SPTBN1: variants seen among roughly 807,000 people sequenced by gnomAD.
SPTBN1 encodes the protein spectrin beta chain, non-erythrocytic 1.
A neutral mutation model predicts 266.4 loss-of-function variants in SPTBN1; 32 were observed. That is an observed-to-expected ratio of 0.12 (90% CI 0.09 to 0.16). The LOEUF is 0.16. Ranked by LOEUF, SPTBN1 falls within the 10% of genes least tolerant of loss-of-function variation. SPTBN1 has a pLI of 1.00. For synonymous variants in SPTBN1, 1,336 were observed against 1,162.2 expected, an observed-to-expected ratio of 1.15 and a Z score of -3.04; for missense variants, 2,296 against 3,067.1, an observed-to-expected ratio of 0.75 and a Z score of 5.94.
At chr2:54,654,881 C>G (rs994362185) in intron 27 of SPTBN1, among the ~76,000 whole-genome samples, 189 bp from the exon 28 acceptor site, 2 of 152,224 alleles carry the variant, frequency 1.3e-5, no homozygotes, top group African/African-American at 4.8e-5. Context: ...CTGGCTGGTA[C>G]TGAACTGTGC....
chr2:54,537,354 TGACCCGGAA>T (rs1345177329), intron 2 of SPTBN1, among the ~76,000 whole-genome samples: 5 of 152,198 alleles, frequency 3.3e-5, no homozygotes, highest in Admixed American at 1.3e-4. Flanking sequence ...GGGTTTTGAT[TGACCCGGAA>T]GATCCTTTTA....
chr2:54,581,739 A>G (rs2104575462), intron 2 of SPTBN1, among the ~76,000 whole-genome samples: 1 of 152,144 alleles, frequency 6.6e-6, no homozygotes, highest in Admixed American at 6.5e-5. Context: ...TCACTGACTA[A>G]TTAGCCAGCT....
chr2:54,603,616 T>G (rs1164269944), intron 3 of SPTBN1, among the ~76,000 whole-genome samples: 2 of 152,202 alleles, frequency 1.3e-5, no homozygotes, highest in Non-Finnish European at 2.9e-5. Context: ...CAGTGTGGTA[T>G]TCCCCGATTA....
At position 54,655,175 on chromosome 2, in the gene SPTBN1, C is replaced by G; in HGVS notation, c.5928C>G (p.Ser1976=). The change falls in exon 28 of 36, where the codon TCC becomes TCG. Residue 1976 remains serine (S), a synonymous_variant. Coordinates refer to ENST00000356805, the MANE Select transcript of SPTBN1 (RefSeq NM_003128.3). The stretch of plus-strand genomic sequence containing the variant: ...CAACCTGCATTGAACTTGGGAAATC[C>G]CTGTTGGCGAGAAAACACTATGCAT... ...SFTTCIELGK[S]LLARKHYASE... 6.2e-7 allele frequency: 1 copy of G among 1,613,980 alleles called. No individual in the cohort carries two copies. Among genetic ancestry groups the G allele is most frequent in the Middle Eastern group, 1.6e-4 (1 of 6,062 alleles).
intron 24 of SPTBN1, 121 bp from the exon 25 acceptor site, chr2:54,648,865 G>C: frequency 1.0e-6 from 1 of 998,886 alleles, no homozygotes; most frequent in Non-Finnish European, 1.4e-6. Flanking sequence ...GTTAACCAGA[G>C]TTTCCTTTGA....
Position 54,668,617 on chromosome 2 carries a change from T to C in SPTBN1, c.*48T>C, listed in dbSNP as rs950278936. 6.5e-7 allele frequency: 1 copy of C among 1,534,296 alleles called. No homozygotes were observed. The highest frequency in any genetic ancestry group is 1.4e-5 in the African/African-American group (1 of 72,504). On this transcript the variant is annotated 3_prime_UTR_variant, in exon 36 of 36. Coordinates refer to ENST00000356805, the MANE Select transcript of SPTBN1 (RefSeq NM_003128.3). ...CCTTCTCTTACCTTTTCAGTGAAATTCCAGCATGCAAGCTCAGAACCAACA... is the reference window on the plus strand; with the variant it reads ...CCTTCTCTTACCTTTTCAGTGAAATCCCAGCATGCAAGCTCAGAACCAACA...
intron 4 of SPTBN1, among the ~76,000 whole-genome samples, chr2:54,612,978 T>C (rs1247951266): frequency 6.6e-6 from 1 of 152,216 alleles, no homozygotes. Context: ...TTTTGTCCAC[T>C]TCTTTCACTT....
intron 2 of SPTBN1, among the ~76,000 whole-genome samples, chr2:54,553,098 GTC>G (rs1672674347): frequency 6.6e-6 from 1 of 152,234 alleles, no homozygotes; most frequent in African/African-American, 2.4e-5. Flanking sequence ...AATTTCTTCT[GTC>G]TTTTCTTTTT....
chr2:54,566,322 G>T (rs961830419), intron 2 of SPTBN1, among the ~76,000 whole-genome samples: 3 of 151,454 alleles, frequency 2.0e-5, no homozygotes, highest in Non-Finnish European at 4.4e-5. Context: ...CGAGTAGCTG[G>T]GATTATAGGC....
rs565073636 is a variant in SPTBN1 at position 54,479,337 on chromosome 2, A to T, written c.-48+22819A>T. 5.9e-5 allele frequency among the ~76,000 whole-genome samples: 9 copies of T among 152,362 alleles called. No individual in the cohort carries two copies. In the East Asian group the frequency reaches 1.7e-3, roughly 29 times the overall value. ...TAAGGTATGATTGGTAAAATTAAAT[A>T]AATAAATCCCATTGTTCCAGTCCTC... On this transcript the variant is annotated intron_variant, in intron 1 of 35. Coordinates refer to ENST00000356805, the MANE Select transcript of SPTBN1 (RefSeq NM_003128.3).
At chr2:54,655,236 C>T in intron 28 of SPTBN1, 28 bp downstream of exon 28, 4 of 1,606,432 alleles carry the variant, frequency 2.5e-6, no homozygotes, top group Non-Finnish European at 3.4e-6. Flanking sequence ...TTTGGAGCTG[C>T]AGCTGGCGTC....
chr2:54,624,746 T>C (rs932902050), intron 10 of SPTBN1, 58 bp from the exon 11 acceptor site: 7 of 1,604,532 alleles, frequency 4.4e-6, no homozygotes, highest in South Asian at 2.2e-5. Context: ...ACCACGGAAG[T>C]TTCCTTGAAC....
intron 10 of SPTBN1, among the ~76,000 whole-genome samples, chr2:54,623,801 A>G (rs1375804952): frequency 6.6e-6 from 1 of 152,232 alleles, no homozygotes; most frequent in Admixed American, 6.5e-5. Context: ...TCAGGGGGCA[A>G]TGTTAGATTT....
At chr2:54,495,674 T>A (rs1187580474) in intron 1 of SPTBN1, among the ~76,000 whole-genome samples, 3 of 101,664 alleles carry the variant, frequency 3.0e-5, no homozygotes, top group African/African-American at 7.9e-5. Context: ...AATTTGCATG[T>A]GTTTTTACCT....
intron 1 of SPTBN1, among the ~76,000 whole-genome samples, chr2:54,522,326 C>T (rs1670490591): frequency 6.6e-6 from 1 of 152,080 alleles, no homozygotes; most frequent in African/African-American, 2.4e-5. Flanking sequence ...AGAATTATCA[C>T]TTACTTACTA....
At chr2:54,621,924 T>C (rs1232311742) in intron 8 of SPTBN1, among the ~76,000 whole-genome samples, 1 of 152,200 alleles carries the variant, frequency 6.6e-6, no homozygotes, top group African/African-American at 2.4e-5. Context: ...GTCCTCTCAA[T>C]GCAGTGAAGT....
chr2:54,667,537 T>C (rs1472607830), intron 34 of SPTBN1, 67 bp from the exon 35 acceptor site: 1 of 1,461,110 alleles, frequency 6.8e-7, no homozygotes, highest in Non-Finnish European at 9.6e-7. Flanking sequence ...GCATGGGATA[T>C]GGGAGTTGGG....
intron 3 of SPTBN1, among the ~76,000 whole-genome samples, chr2:54,607,392 G>A (rs1245871572): frequency 2.0e-5 from 3 of 152,224 alleles, no homozygotes; most frequent in African/African-American, 4.8e-5. Context: ...GGAGGCCAAG[G>A]TGGATGGATC....
At chr2:54,632,192 G>A (rs1194782416) in intron 16 of SPTBN1, among the ~76,000 whole-genome samples, 4 of 151,444 alleles carry the variant, frequency 2.6e-5, no homozygotes, top group African/African-American at 9.7e-5. Flanking sequence ...GTAGAGATTA[G>A]AGAAATAAAA....
Sources: gnomAD v4.1 joint callset for allele counts (sites outside exome capture counted in the v4.1 genomes callset) on GRCh38, gnomAD v4.1.1 for gene constraint, MANE v1.5 for transcripts, NCBI Gene and HGNC (gene_info 2026-07-23, HGNC 2026-07-21) for gene names.